Variants in SYCE2 observed in about 807,000 individuals in gnomAD.
The protein encoded by SYCE2 is synaptonemal complex central element protein 2.
SYCE2 carries 3 observed loss-of-function variants against 27.9 expected under a neutral mutation model. The ratio of observed to expected loss-of-function variants is 0.11; its 90% CI spans 0.05 to 0.28. The LOEUF is 0.28. Among genes scored for constraint, SYCE2 ranks in the 10% least tolerant of loss-of-function variants. The pLI is 1.00. For synonymous variants in SYCE2, 85 were observed against 100.7 expected, an observed-to-expected ratio of 0.84 and a Z score of 0.93; for missense variants, 207 against 263.5, an observed-to-expected ratio of 0.79 and a Z score of 1.48.
At chr19:12,906,343 T>C (rs1970933411) in intron 2 of SYCE2, 1 of 152,220 alleles carries the variant, frequency 6.6e-6, no homozygotes, top group Non-Finnish European at 1.5e-5. Flanking sequence ...AAGTTGTTGG[T>C]CCCATGTTGT....
At chr19:12,913,871 T>C (rs1971089704) in intron 2 of SYCE2, 1 of 152,142 alleles carries the variant, frequency 6.6e-6, no homozygotes, top group African/African-American at 2.4e-5. Flanking sequence ...AGCACACACC[T>C]ATAAACCATT....
intron 1 of SYCE2, among the ~76,000 whole-genome samples, chr19:12,918,973 G>C (rs1397502074): frequency 1.3e-5 from 2 of 150,464 alleles, no homozygotes; most frequent in African/African-American, 4.9e-5. Context: ...AAAAAGAAAT[G>C]AAAGAAACGG....
At position 12,919,283 on chromosome 19, in the gene SYCE2, G is replaced by T; in HGVS notation, c.-26C>A. The T allele has an allele frequency of 6.2e-7, 1 of 1,608,834 alleles. No homozygotes were observed. Among genetic ancestry groups the T allele is most frequent in the Non-Finnish European group, 8.5e-7 (1 of 1,179,946 alleles). On this transcript the variant is annotated 5_prime_UTR_variant, in exon 1 of 6. Coordinates refer to ENST00000293695, the MANE Select transcript of SYCE2 (RefSeq NM_001105578.2). ...TCCGTATTTTCCCGCCTTCAAGCTC[G>T]CACCCTCTGCGCATGCGCCGACCCC...
At chr19:12,913,364 T>C (rs1971080984) in intron 2 of SYCE2, among the ~76,000 whole-genome samples, 1 of 152,198 alleles carries the variant, frequency 6.6e-6, no homozygotes, top group South Asian at 2.1e-4. Context: ...AACTGCCCGC[T>C]GGTGGGGCCC....
chr19:12,918,345 C>T lies in SYCE2; in HGVS notation c.16-8G>A, dbSNP rs760541536. On this transcript the variant is annotated splice_polypyrimidine_tract_variant and splice_region_variant and intron_variant, in intron 1 of 5. Coordinates refer to ENST00000293695, the MANE Select transcript of SYCE2 (RefSeq NM_001105578.2). ...CACATGGGGCACGTCCACCTGCAAG[C>T]ACAGTCAGGACGGAGGCCAAGGAGG... The T allele has an allele frequency of 4.1e-5, 66 of 1,613,522 alleles. No homozygotes were observed. In the East Asian group the frequency reaches 1.4e-3, roughly 34 times the overall value.
At chr19:12,903,980 A>G (rs577010954) in intron 3 of SYCE2, among the ~76,000 whole-genome samples, 1 of 152,304 alleles carries the variant, frequency 6.6e-6, no homozygotes, top group Middle Eastern at 3.4e-3. Context: ...GCAAGATGTA[A>G]GCCCTGGGCA....
chr19:12,903,232 C>T (rs1970875065), intron 3 of SYCE2, among the ~76,000 whole-genome samples: 1 of 151,524 alleles, frequency 6.6e-6, no homozygotes, highest in Non-Finnish European at 1.5e-5. Context: ...GCTGGGACTA[C>T]AGGCGCCCGC....
intron 3 of SYCE2, among the ~76,000 whole-genome samples, chr19:12,903,787 G>A (rs1312315763): frequency 6.6e-6 from 1 of 152,084 alleles, no homozygotes; most frequent in East Asian, 1.9e-4. Context: ...TAGTAGAGAC[G>A]TGGTTTCACC....
chr19:12,914,278 GA>G (rs1213025471), intron 2 of SYCE2: 1 of 152,212 alleles, frequency 6.6e-6, no homozygotes, highest in African/African-American at 2.4e-5. Context: ...TGATGGGGGG[GA>G]AGCCCTGATT....
intron 2 of SYCE2, among the ~76,000 whole-genome samples, chr19:12,908,030 T>C (rs1298222912): frequency 2.0e-5 from 3 of 151,902 alleles, no homozygotes; most frequent in Admixed American, 6.6e-5. Context: ...GAGGATCACT[T>C]GAGCCCGGGA....
At chr19:12,919,078 G>A (rs1243960091) in intron 1 of SYCE2, among the ~76,000 whole-genome samples, 165 bp downstream of exon 1, 1 of 152,126 alleles carries the variant, frequency 6.6e-6, no homozygotes, top group African/African-American at 2.4e-5. Context: ...TCAGGGCCGG[G>A]TTCAGTCAGT....
intron 2 of SYCE2, among the ~76,000 whole-genome samples, chr19:12,911,636 T>TTTC (rs1555754622): frequency 1.3e-5 from 2 of 148,710 alleles, no homozygotes; most frequent in Non-Finnish European, 3.0e-5. Flanking sequence ...TTTTTTTTTT[T>TTTC]AGACGAGGTC....
chr19:12,899,366 T>A lies in SYCE2; in HGVS notation c.632A>T (p.Gln211Leu), dbSNP rs751543103. The A allele has an allele frequency of 2.5e-6, 4 of 1,614,206 alleles. No homozygotes were observed. The highest frequency in any genetic ancestry group is 4.5e-5 in the East Asian group (2 of 44,888). The change falls in exon 6 of 6, where the codon CAG (glutamine) becomes CTG (leucine). Residue 211 changes from glutamine to leucine, a missense_variant. Physicochemically the swap from Gln to Leu is moderately radical, Grantham distance 113. Coordinates refer to ENST00000293695, the MANE Select transcript of SYCE2 (RefSeq NM_001105578.2). ...TCAGCATTCACCATCTCTGTTGGTC[T>A]GTACTTCTGAAGCAGTGGCCTGGGG... Reference protein sequence around the residue: ...TTSQATASEVQTNRDGEC With the variant: ...TTSQATASEVLTNRDGEC
chr19:12,901,764 C>T (rs765961263), intron 3 of SYCE2, among the ~76,000 whole-genome samples: 10 of 151,766 alleles, frequency 6.6e-5, no homozygotes, highest in East Asian at 5.9e-4. Context: ...TACAGGCGAG[C>T]GCCACCACAC....
Position 12,918,231 on chromosome 19 carries a change from C to T in SYCE2, c.122G>A (p.Gly41Glu). The change falls in exon 2 of 6, where the codon GGG becomes GAG. Residue 41 changes from glycine (G) to glutamate (E), a missense_variant. Transcript: ENST00000293695. ...EENCEEEAGG[G>E]PASASCQLTV... ...CTGGGATCTTCCTCACCTAGCTGGC[C>T]CTCCACCAGCTTCCTCCTCGCAGTT... is the stretch of plus-strand genomic sequence containing the variant. 1 of 1,613,842 alleles carries T rather than the reference C, an allele frequency of 6.2e-7. No individual in the cohort carries two copies. Among genetic ancestry groups the T allele is most frequent in the African/African-American group, 1.3e-5 (1 of 75,048 alleles).
chr19:12,903,742 G>C (rs1970886166), intron 3 of SYCE2, among the ~76,000 whole-genome samples: 1 of 151,854 alleles, frequency 6.6e-6, no homozygotes, highest in Admixed American at 6.6e-5. Flanking sequence ...GCAGTGCCGT[G>C]CAGAGCCACT....
chr19:12,918,343 A>C lies in SYCE2; in HGVS notation c.16-6T>G. 1 of 1,613,616 alleles carries C rather than the reference A, an allele frequency of 6.2e-7. No individual in the cohort carries two copies. The highest frequency in any genetic ancestry group is 1.1e-5 in the South Asian group (1 of 91,068). On this transcript the variant is annotated splice_polypyrimidine_tract_variant and splice_region_variant and intron_variant, in intron 1 of 5. Coordinates refer to ENST00000293695, the MANE Select transcript of SYCE2 (RefSeq NM_001105578.2). ...TTCACATGGGGCACGTCCACCTGCA[A>C]GCACAGTCAGGACGGAGGCCAAGGA...
intron 5 of SYCE2, 59 bp from the exon 6 acceptor site, chr19:12,899,444 C>A (rs751631637): frequency 3.1e-6 from 5 of 1,613,864 alleles, no homozygotes; most frequent in Non-Finnish European, 4.2e-6. Context: ...AACTCCAAAC[C>A]GACTCTGTAT....
intron 1 of SYCE2, 100 bp downstream of exon 1, chr19:12,919,143 C>T (rs1971196020): frequency 6.6e-7 from 1 of 1,518,454 alleles, no homozygotes; most frequent in Non-Finnish European, 9.0e-7. Context: ...AAAGGACAAG[C>T]GGCCGGGCTC....
Sources: allele counts gnomAD v4.1 joint callset (sites outside exome capture counted in the v4.1 genomes callset), GRCh38; gene constraint gnomAD v4.1.1; transcripts MANE v1.5; gene names NCBI Gene and HGNC (gene_info 2026-07-23, HGNC 2026-07-21).